STK32C: variants seen among roughly 807,000 people sequenced by gnomAD.
STK32C encodes serine/threonine kinase 32C.
Under a neutral mutation model 56.5 loss-of-function variants are expected in STK32C, and 31 were observed. The observed-to-expected ratio is 0.55, with a 90% CI of 0.41 to 0.74. STK32C has a LOEUF of 0.74. Among genes scored for constraint, STK32C ranks in the 30% least tolerant of loss-of-function variants. STK32C has a pLI of 0.00. For synonymous variants in STK32C, 309 were observed against 289.4 expected, an observed-to-expected ratio of 1.07 and a Z score of -0.69; for missense variants, 544 against 676.9, an observed-to-expected ratio of 0.80 and a Z score of 2.18.
chr10:132,227,951 C>G, intron 3 of STK32C, 26 bp downstream of exon 3: 3 of 1,610,120 alleles, frequency 1.9e-6, no homozygotes, highest in Non-Finnish European at 2.5e-6. Context: ...GTAAGTCTTT[C>G]TGCAGCGAGG....
At chr10:132,234,026 G>A (rs1038799) in intron 2 of STK32C, among the ~76,000 whole-genome samples, 4,948 of 152,310 alleles carry the variant, frequency 0.032, 286 homozygotes, top group African/African-American at 0.11. Context: ...CGATCGTTCC[G>A]ATGAGGTCTG....
chr10:132,285,888 G>A (rs779128650), intron 1 of STK32C, among the ~76,000 whole-genome samples: 4 of 152,296 alleles, frequency 2.6e-5, no homozygotes, highest in East Asian at 1.9e-4. Flanking sequence ...TTGGGAGGCC[G>A]AGGCGGGCAG....
chr10:132,216,221 T>C (rs757536204), intron 10 of STK32C, among the ~76,000 whole-genome samples: 9 of 152,092 alleles, frequency 5.9e-5, no homozygotes, highest in Non-Finnish European at 1.2e-4. Flanking sequence ...TCCTAGCACT[T>C]TGGGAGGTTA....
chr10:132,331,923 C>T (rs1403742244), upstream of STK32C: 39 of 680,350 alleles, frequency 5.7e-5, no homozygotes, highest in Admixed American at 1.9e-4. Flanking sequence ...ACAACCCCCC[C>T]ACCGCAAGCG....
chr10:132,249,718 C>T (rs1467118583), intron 1 of STK32C, among the ~76,000 whole-genome samples: 1 of 152,182 alleles, frequency 6.6e-6, no homozygotes, highest in Admixed American at 6.5e-5. Flanking sequence ...GGCCCTCATG[C>T]CCTCCCGACC....
chr10:132,282,325 A>G (rs1344501987), intron 1 of STK32C, among the ~76,000 whole-genome samples: 1 of 152,232 alleles, frequency 6.6e-6, no homozygotes, highest in African/African-American at 2.4e-5. Flanking sequence ...CGCTGCTGGA[A>G]CTGGAATAAA....
At chr10:132,280,896 C>T (rs567811640) in intron 1 of STK32C, among the ~76,000 whole-genome samples, 16 of 150,792 alleles carry the variant, frequency 1.1e-4, no homozygotes, top group South Asian at 6.4e-4. Flanking sequence ...TCCGTGACCA[C>T]GCCCCTGCAT....
chr10:132,302,070 G>A (rs753022653), intron 1 of STK32C, among the ~76,000 whole-genome samples: 2 of 152,170 alleles, frequency 1.3e-5, no homozygotes, highest in Non-Finnish European at 2.9e-5. Context: ...AGTCCTGGGT[G>A]ACTGGGGGTC....
At chr10:132,277,132 C>T (rs1467250034) in intron 1 of STK32C, among the ~76,000 whole-genome samples, 1 of 152,200 alleles carries the variant, frequency 6.6e-6, no homozygotes, top group Non-Finnish European at 1.5e-5. Context: ...TCAGAAGAGC[C>T]GAGCAGGGCC....
intron 1 of STK32C, among the ~76,000 whole-genome samples, chr10:132,252,277 A>C (rs925090138): frequency 7.9e-5 from 12 of 152,232 alleles, no homozygotes; most frequent in Non-Finnish European, 1.8e-4. Flanking sequence ...ACAAGCCCAC[A>C]GTGTGGCACC....
chr10:132,331,794 C>T (rs749627139), exon 1 of STK32C: 12 of 1,600,074 alleles, frequency 7.5e-6, no homozygotes, highest in Non-Finnish European at 1.0e-5. Flanking sequence ...CCCTCGCGGT[C>T]TCTACTTGCC....
In STK32C at chr10:132,307,584, C is replaced by G. The variant is rs1447855597; in HGVS notation, c.250G>C (p.Asp84His). The change falls in exon 1 of 12, where the codon GAC becomes CAC. Residue 84 changes from aspartate to histidine, a missense_variant. By Grantham distance (81) the Asp-to-His change is moderately conservative (BLOSUM62 -1). Coordinates refer to ENST00000298630, the MANE Select transcript of STK32C (RefSeq NM_173575.4). This position sits in a 1 kb window ranked among gnomAD's most constrained non-coding sequence, Gnocchi z 4.4. ...TGCCCGCACTCACCGTCCTCCTTGT[C>G]GTCAAACACCGGCCTCCGCGCGGTG... The part of the protein sequence containing the change: ...AATARRPVFD[D>H]KEDVNFDHFQ... The G allele has an allele frequency of 1.3e-6, 2 of 1,550,124 alleles. No homozygotes were observed. Among genetic ancestry groups the G allele is most frequent in the South Asian group, 1.2e-5 (1 of 86,412 alleles).
chr10:132,264,147 TTAGA>T (rs538998414), intron 1 of STK32C, among the ~76,000 whole-genome samples: 107 of 152,172 alleles, frequency 7.0e-4, no homozygotes, highest in Non-Finnish European at 2.1e-4. Flanking sequence ...GCGCCTGCAG[TTAGA>T]TAGAGGTGGT....
At chr10:132,295,528 T>G (rs1232015092) in intron 1 of STK32C, among the ~76,000 whole-genome samples, 1 of 152,162 alleles carries the variant, frequency 6.6e-6, no homozygotes, top group Non-Finnish European at 1.5e-5. Context: ...TCAGCACCCA[T>G]GAGTCTACAG....
chr10:132,261,946 T>C (rs1405177716), intron 1 of STK32C, among the ~76,000 whole-genome samples: 2 of 152,120 alleles, frequency 1.3e-5, no homozygotes, highest in East Asian at 1.9e-4. Flanking sequence ...AAAACTATGC[T>C]AAAATTCACA....
intron 1 of STK32C, chr10:132,249,086 T>C (rs148160631): frequency 2.1e-6 from 1 of 475,330 alleles, no homozygotes; most frequent in South Asian, 1.5e-5. Context: ...GGCTCCCAGC[T>C]GGGAGGCAGC....
chr10:132,252,960 G>A (rs990986549), intron 1 of STK32C, among the ~76,000 whole-genome samples: 2 of 152,064 alleles, frequency 1.3e-5, no homozygotes, highest in African/African-American at 2.4e-5. Flanking sequence ...CACGGTGTCC[G>A]GCAGCCTCTC....
intron 1 of STK32C, among the ~76,000 whole-genome samples, chr10:132,257,820 T>A (rs2064178688): frequency 6.7e-6 from 1 of 148,696 alleles, no homozygotes. Flanking sequence ...TGCCCTGGGC[T>A]GGGGGCTCCT....
chr10:132,312,963 C>G (rs2066247760), intron 1 of STK32C, among the ~76,000 whole-genome samples: 1 of 152,220 alleles, frequency 6.6e-6, no homozygotes, highest in African/African-American at 2.4e-5. Context: ...TCACCCGAAC[C>G]TGTGAGGTGG....
Sources: gnomAD v4.1 joint callset for allele counts (sites outside exome capture counted in the v4.1 genomes callset) on GRCh38, gnomAD v4.1.1 for gene constraint, Gnocchi (gnomAD v3.1) non-coding constraint, MANE v1.5 for transcripts, NCBI Gene and HGNC (gene_info 2026-07-23, HGNC 2026-07-21) for gene names.